The following UNC5D variants were observed in gnomAD, a reference collection of about 807,000 sequenced individuals.
The protein encoded by UNC5D is unc-5 netrin receptor D, also known as netrin receptor UNC5D.
Under a neutral mutation model 105.4 loss-of-function variants are expected in UNC5D, and 39 were observed. That is an observed-to-expected ratio of 0.37 (90% CI 0.29 to 0.48). The LOEUF (loss-of-function observed/expected upper bound fraction) is 0.48. Ranked by LOEUF, UNC5D falls within the 20% of genes least tolerant of loss-of-function variation. The pLI is 0.98. For missense variants in UNC5D, 991 were observed against 1,202.4 expected (o/e 0.82, Z 2.60); for synonymous variants, 452 against 450.4 (o/e 1.00, Z -0.04).
At chr8:35,562,828 A>G (rs1458864322) in intron 2 of UNC5D, among the ~76,000 whole-genome samples, 1 of 151,858 alleles carries the variant, frequency 6.6e-6, no homozygotes, top group East Asian at 1.9e-4. Flanking sequence ...CTATTTGTCT[A>G]TTTTTACATT....
chr8:35,243,146 G>T (rs1802897150), intron 1 of UNC5D, among the ~76,000 whole-genome samples: 1 of 152,110 alleles, frequency 6.6e-6, no homozygotes, highest in African/African-American at 2.4e-5. Flanking sequence ...CCATCTGGGG[G>T]CCATGGATGA....
chr8:35,374,826 T>C lies in UNC5D; in HGVS notation c.103+138939T>C, dbSNP rs1802606699. Among the ~76,000 whole-genome samples, 2 of 152,240 alleles carry C rather than the reference T, an allele frequency of 1.3e-5. 1 individual carries two copies. Among genetic ancestry groups the C allele is most frequent in the Admixed American group, 1.3e-4 (2 of 15,286 alleles). On this transcript the variant is annotated intron_variant, in intron 1 of 16. Coordinates refer to ENST00000404895, the MANE Select transcript of UNC5D (RefSeq NM_080872.4). Reference sequence around the variant, plus strand: ...GTTGCATAATGCATTGAGAATTAAATGCTGACAGTTTTGTCTGAGATTCTT... The same window carrying C: ...GTTGCATAATGCATTGAGAATTAAACGCTGACAGTTTTGTCTGAGATTCTT...
intron 1 of UNC5D, among the ~76,000 whole-genome samples, chr8:35,358,023 T>C (rs878862909): frequency 6.6e-6 from 1 of 152,122 alleles, no homozygotes; most frequent in Admixed American, 6.6e-5. Context: ...TTCCCATATT[T>C]ATATCAAATT....
At chr8:35,242,289 C>T (rs1196982757) in intron 1 of UNC5D, among the ~76,000 whole-genome samples, 2 of 151,962 alleles carry the variant, frequency 1.3e-5, no homozygotes, top group Non-Finnish European at 2.9e-5. Context: ...TCAGATAAGT[C>T]AGAGGGGAAA....
chr8:35,715,759 G>A (rs1828219100), intron 8 of UNC5D, among the ~76,000 whole-genome samples: 1 of 151,796 alleles, frequency 6.6e-6, no homozygotes, highest in Non-Finnish European at 1.5e-5. Context: ...TAATGAATGA[G>A]GCCAGGTCCT....
chr8:35,755,462 G>A (rs768515125), intron 13 of UNC5D, among the ~76,000 whole-genome samples: 18 of 150,226 alleles, frequency 1.2e-4, no homozygotes, highest in Non-Finnish European at 5.9e-5. Context: ...GCACCATAGC[G>A]ACATAATTTG....
chr8:35,692,087 TTG>T (rs1826443343), intron 7 of UNC5D, among the ~76,000 whole-genome samples: 1 of 152,146 alleles, frequency 6.6e-6, no homozygotes, highest in Non-Finnish European at 1.5e-5. Flanking sequence ...CAGTTCAACA[TTG>T]ACAGTTCAAA....
intron 14 of UNC5D, among the ~76,000 whole-genome samples, chr8:35,765,953 C>G (rs904664362): frequency 6.6e-6 from 1 of 152,072 alleles, no homozygotes; most frequent in African/African-American, 2.4e-5. Flanking sequence ...TGCCAAGGGC[C>G]AAGCCACATT....
chr8:35,540,551 A>T (rs2130626701), intron 1 of UNC5D, among the ~76,000 whole-genome samples: 1 of 151,982 alleles, frequency 6.6e-6, no homozygotes, highest in East Asian at 1.9e-4. Context: ...TACAAACTTA[A>T]ATTACTAACA....
intron 8 of UNC5D, among the ~76,000 whole-genome samples, chr8:35,713,167 T>C (rs1158495821): frequency 6.6e-6 from 1 of 152,066 alleles, no homozygotes; most frequent in Non-Finnish European, 1.5e-5. Flanking sequence ...ATGATGGGAG[T>C]TTGTTAATTA....
At chr8:35,442,086 A>G (rs187360329) in intron 1 of UNC5D, among the ~76,000 whole-genome samples, 91 of 151,932 alleles carry the variant, frequency 6.0e-4, no homozygotes, top group African/African-American at 2.1e-3. Context: ...CTTTCATTTT[A>G]TTTTTCTTCC....
intron 1 of UNC5D, among the ~76,000 whole-genome samples, chr8:35,450,790 G>A (rs1808097609): frequency 1.3e-5 from 2 of 152,082 alleles, no homozygotes; most frequent in African/African-American, 4.8e-5. Context: ...CACCTATTCT[G>A]TTTCTCACTT....
intron 8 of UNC5D, among the ~76,000 whole-genome samples, chr8:35,715,279 G>T (rs1378544703): frequency 6.6e-6 from 1 of 152,056 alleles, no homozygotes; most frequent in Non-Finnish European, 1.5e-5. Context: ...TTAGTGTAGA[G>T]AAAGGAAAAG....
intron 1 of UNC5D, among the ~76,000 whole-genome samples, chr8:35,363,944 A>T (rs1801976103): frequency 6.6e-6 from 1 of 152,042 alleles, no homozygotes; most frequent in African/African-American, 2.4e-5. Flanking sequence ...GCACTTTGGG[A>T]GGCTGAGGTG....
chr8:35,661,229 G>A (rs1020833596), intron 4 of UNC5D, among the ~76,000 whole-genome samples: 11 of 152,138 alleles, frequency 7.2e-5, no homozygotes, highest in African/African-American at 2.7e-4. Context: ...CATTGATGCA[G>A]ATGTAGAGAG....
At chr8:35,675,424 G>A (rs567925961) in intron 4 of UNC5D, among the ~76,000 whole-genome samples, 31 of 152,266 alleles carry the variant, frequency 2.0e-4, no homozygotes, top group African/African-American at 7.5e-4. Flanking sequence ...TTCTTAAGAA[G>A]CTTGCCGACA....
chr8:35,450,745 C>A (rs555914763), intron 1 of UNC5D, among the ~76,000 whole-genome samples: 1 of 152,120 alleles, frequency 6.6e-6, no homozygotes, highest in East Asian at 1.9e-4. Context: ...GAAAATGATA[C>A]GCCTTCCATA....
rs57450378 is a variant in UNC5D, at chr8:35,612,723, C to CTTTTTTTTTTT, written c.570+17081_570+17091dup. 8.5e-4 allele frequency among the ~76,000 whole-genome samples: 55 copies of CTTTTTTTTTTT among 64,754 alleles called. 1 individual carries two copies. The highest frequency in any genetic ancestry group is 1.2e-3 in the Admixed American group (5 of 4,170). 42.5% of individuals were successfully genotyped at this position (64,754 alleles called of 152,430 possible). On this transcript the variant is annotated intron_variant, in intron 4 of 16. Coordinates refer to ENST00000404895, the MANE Select transcript of UNC5D (RefSeq NM_080872.4). The stretch of plus-strand genomic sequence containing the variant: ...TATTAGAAACTGCTAAATGTTTTGC[C>CTTTTTTTTTTT]TTTTTTTTTTTTTTTTTTTTTTTTT...
intron 4 of UNC5D, among the ~76,000 whole-genome samples, chr8:35,642,938 C>A (rs1267574722): frequency 6.6e-6 from 1 of 152,080 alleles, no homozygotes; most frequent in Non-Finnish European, 1.5e-5. Flanking sequence ...GCAAACAGGT[C>A]TTTTGTTGAA....
Sources: gnomAD v4.1 joint callset for allele counts (sites outside exome capture counted in the v4.1 genomes callset) on GRCh38, gnomAD v4.1.1 for gene constraint, MANE v1.5 for transcripts, NCBI Gene and HGNC (gene_info 2026-07-23, HGNC 2026-07-21) for gene names.